Variants in OR2C1 observed in about 807,000 individuals in gnomAD.
OR2C1 encodes olfactory receptor family 2 subfamily C member 1.
For missense variants in OR2C1, 468 were observed against 388.3 expected (o/e 1.21, Z -1.73); for synonymous variants, 209 against 167.3 (o/e 1.25, Z -1.92).
At chr16:3,346,694 A>G in the OR2C1 span, among the ~76,000 whole-genome samples, 19 of 146,342 alleles carry the variant, frequency 1.3e-4, no homozygotes, top group East Asian at 2.3e-3. Context: ...CAGTGGCGCA[A>G]TCTTGGCTCA....
downstream of OR2C1, among the ~76,000 whole-genome samples, chr16:3,357,665 C>T (rs1298674041): frequency 1.3e-5 from 2 of 152,206 alleles, no homozygotes; most frequent in African/African-American, 4.8e-5. Flanking sequence ...TGATCTACCG[C>T]ACCTGGCCTG....
the OR2C1 span, among the ~76,000 whole-genome samples, chr16:3,348,895 G>A: frequency 6.6e-6 from 1 of 151,450 alleles, no homozygotes; most frequent in Non-Finnish European, 1.5e-5. Context: ...GTTGGAACCA[G>A]AGAACTGGGA....
chr16:3,347,246 CA>C, the OR2C1 span, among the ~76,000 whole-genome samples: 270 of 64,474 alleles, frequency 4.2e-3, 1 homozygote, highest in South Asian at 0.03. Flanking sequence ...GACTCTGTCT[CA>C]AAAAAAAAAA....
the OR2C1 span, among the ~76,000 whole-genome samples, chr16:3,340,135 C>T: frequency 1.3e-5 from 2 of 151,954 alleles, no homozygotes; most frequent in African/African-American, 4.8e-5. Context: ...AAAAATTAGC[C>T]AGGCATGGTG....
At chr16:3,353,934 T>G (rs2150851413), upstream of OR2C1, among the ~76,000 whole-genome samples, 1 of 152,230 alleles carries the variant, frequency 6.6e-6, no homozygotes, top group Non-Finnish European at 1.5e-5. Flanking sequence ...CTGATTTTTT[T>G]GTTCATGAGA....
chr16:3,327,615 C>T, the OR2C1 span, among the ~76,000 whole-genome samples: 1 of 150,934 alleles, frequency 6.6e-6, no homozygotes, highest in Admixed American at 6.6e-5. Context: ...TACTAGATGC[C>T]CGTGATGATC....
chr16:3,323,960 G>A, the OR2C1 span: 3 of 638,134 alleles, frequency 4.7e-6, no homozygotes, highest in Non-Finnish European at 7.9e-6. Context: ...CCTTACTGTT[G>A]AATTTTTAAA....
At chr16:3,337,324 T>G in the OR2C1 span, among the ~76,000 whole-genome samples, 2 of 151,346 alleles carry the variant, frequency 1.3e-5, no homozygotes, top group South Asian at 4.2e-4. Context: ...CCAGCTAATT[T>G]TTTAATTTTT....
chr16:3,341,504 T>C, the OR2C1 span, among the ~76,000 whole-genome samples: 3 of 152,330 alleles, frequency 2.0e-5, no homozygotes, highest in Non-Finnish European at 4.4e-5. Context: ...GGTTTCCTTC[T>C]TTTCTTCCTG....
At chr16:3,332,616 GCTTGA>G in the OR2C1 span, among the ~76,000 whole-genome samples, 6 of 151,872 alleles carry the variant, frequency 4.0e-5, no homozygotes, top group Non-Finnish European at 8.8e-5. Context: ...GTGTTTCTGT[GCTTGA>G]CTTATTTCAC....
chr16:3,356,425 T>A lies in OR2C1; in HGVS notation c.485T>A (p.Phe162Tyr). Reference sequence around the variant, plus strand: ...GGCAACTCTGTGATCCAGTCAACATTCACTCTGCAGCTCCCATTGTGTGGG... The same window carrying A: ...GGCAACTCTGTGATCCAGTCAACATACACTCTGCAGCTCCCATTGTGTGGG... Reference protein sequence around the residue: ...GLGNSVIQSTFTLQLPLCGHR... With the variant: ...GLGNSVIQSTYTLQLPLCGHR... Residue 162 changes from phenylalanine (F) to tyrosine (Y), a missense_variant, in exon 1 of 1, where the codon TTC becomes TAC. Coordinates refer to ENST00000304936, the MANE Select transcript of OR2C1 (RefSeq NM_012368.3). The A allele has an allele frequency of 6.2e-7, 1 of 1,613,934 alleles. No individual in the cohort carries two copies. Among genetic ancestry groups the A allele is most frequent in the Non-Finnish European group, 8.5e-7 (1 of 1,180,044 alleles).
the OR2C1 span, among the ~76,000 whole-genome samples, chr16:3,327,925 T>C: frequency 6.6e-6 from 1 of 152,200 alleles, no homozygotes; most frequent in Non-Finnish European, 1.5e-5. Flanking sequence ...TCCCTCTTAG[T>C]AAACCTGCTT....
chr16:3,326,618 G>A, the OR2C1 span, among the ~76,000 whole-genome samples: 8 of 152,190 alleles, frequency 5.3e-5, no homozygotes, highest in African/African-American at 1.9e-4. Flanking sequence ...AGAGGTTCCT[G>A]ATCCTGGTTT....
the OR2C1 span, among the ~76,000 whole-genome samples, chr16:3,343,468 T>C: frequency 6.6e-6 from 1 of 152,106 alleles, no homozygotes; most frequent in Non-Finnish European, 1.5e-5. Flanking sequence ...TTGGCCAAAA[T>C]TGGCCGGGCG....
At chr16:3,348,057 T>A in the OR2C1 span, among the ~76,000 whole-genome samples, 2 of 152,152 alleles carry the variant, frequency 1.3e-5, no homozygotes, top group Admixed American at 6.5e-5. Context: ...TGAAAAAGTT[T>A]TGAAAAGGTA....
upstream of OR2C1, among the ~76,000 whole-genome samples, chr16:3,351,771 C>T (rs1209630036): frequency 1.3e-5 from 2 of 152,154 alleles, no homozygotes; most frequent in South Asian, 2.1e-4. Context: ...CTTCAGCTTG[C>T]AGAGATGTAA....
the OR2C1 span, among the ~76,000 whole-genome samples, chr16:3,345,497 A>G: frequency 2.4e-5 from 3 of 124,552 alleles, no homozygotes; most frequent in Admixed American, 8.2e-5. Flanking sequence ...AAAAAAAAAA[A>G]AAGTAAGAAA....
chr16:3,356,095 A>C lies in OR2C1; in HGVS notation c.155A>C (p.Glu52Ala), dbSNP rs1481068652. The change falls in exon 1 of 1, where the codon GAG becomes GCG. Residue 52 changes from glutamate (E) to alanine (A), a missense_variant. Physicochemically the swap from Glu to Ala is moderately radical, Grantham distance 107. Coordinates refer to ENST00000304936, the MANE Select transcript of OR2C1 (RefSeq NM_012368.3). ...ACCATCATCTTGCTTTCCCGCCTGG[A>C]GGCCCGGCTCCATACACCCATGTAC... ...NSTIILLSRL[E>A]ARLHTPMYFF... is the part of the protein sequence containing the mutation. 6.2e-7 allele frequency: 1 copy of C among 1,614,156 alleles called. No homozygotes were observed. Among genetic ancestry groups the C allele is most frequent in the African/African-American group, 1.3e-5 (1 of 75,032 alleles).
chr16:3,343,144 T>C, the OR2C1 span, among the ~76,000 whole-genome samples: 4 of 152,198 alleles, frequency 2.6e-5, no homozygotes, highest in African/African-American at 9.7e-5. Context: ...AAAATTTTTC[T>C]TTATCTTGCT....
Sources: allele counts gnomAD v4.1 joint callset (sites outside exome capture counted in the v4.1 genomes callset), GRCh38; gene constraint gnomAD v4.1.1; transcripts MANE v1.5; gene names NCBI Gene and HGNC (gene_info 2026-07-23, HGNC 2026-07-21).